RNF114: variants seen among roughly 807,000 people sequenced by gnomAD.
RNF114 encodes E3 ubiquitin-protein ligase RNF114.
Under a neutral mutation model 28.4 loss-of-function variants are expected in RNF114, and 6 were observed. The observed-to-expected ratio is 0.21, with a 90% CI of 0.12 to 0.42. The LOEUF (loss-of-function observed/expected upper bound fraction) is 0.42, where lower values mean the gene tolerates loss of function less well. Among genes scored for constraint, RNF114 ranks in the 10% least tolerant of loss-of-function variants. The pLI, the probability that RNF114 is intolerant of heterozygous loss-of-function variation, is 1.00. For synonymous variants in RNF114, 115 were observed against 116.7 expected, an observed-to-expected ratio of 0.99 and a Z score of 0.09; for missense variants, 249 against 311.7, an observed-to-expected ratio of 0.80 and a Z score of 1.51.
Position 49,952,350 on chromosome 20 carries a change from G to A in RNF114, c.*209G>A. The A allele has an allele frequency of 1.8e-6, 1 of 564,146 alleles. No homozygotes were observed. 34.9% of individuals were successfully genotyped at this position (564,146 alleles called of 1,614,324 possible). On this transcript the variant is annotated 3_prime_UTR_variant, in exon 6 of 6. Coordinates refer to ENST00000244061, the MANE Select transcript of RNF114 (RefSeq NM_018683.4). Reference sequence around the variant, plus strand: ...CTTGCCAAAGCTGTCTTCCCCTACTGTTAACCTTGTTTGTCACACGGTCGA... The same window carrying A: ...CTTGCCAAAGCTGTCTTCCCCTACTATTAACCTTGTTTGTCACACGGTCGA...
chr20:49,948,905 G>A (rs549676410), intron 4 of RNF114, among the ~76,000 whole-genome samples: 29 of 152,244 alleles, frequency 1.9e-4, no homozygotes, highest in African/African-American at 5.8e-4. Flanking sequence ...ATTGCTCATC[G>A]GCTTATTTTC....
At chr20:49,949,443 A>ATTTCCC in intron 5 of RNF114, 88 bp downstream of exon 5, 11 of 1,114,482 alleles carry the variant, frequency 9.9e-6, no homozygotes, top group Non-Finnish European at 1.5e-5. Context: ...GGGGATCCCC[A>ATTTCCC]GTGTTGAACT....
chr20:49,947,871 A>G (rs1456524878), intron 4 of RNF114, among the ~76,000 whole-genome samples: 3 of 129,406 alleles, frequency 2.3e-5, no homozygotes, highest in Non-Finnish European at 4.6e-5. Flanking sequence ...GACTCACTGC[A>G]AGCTCCGCCT....
At chr20:49,939,579 G>A (rs532933414) in intron 1 of RNF114, among the ~76,000 whole-genome samples, 1 of 152,088 alleles carries the variant, frequency 6.6e-6, no homozygotes, top group South Asian at 2.1e-4. Context: ...ATAGGAACTC[G>A]GTCATCTTTG....
intron 4 of RNF114, 123 bp downstream of exon 4, chr20:49,946,373 C>A: frequency 1.7e-6 from 1 of 593,786 alleles, no homozygotes; most frequent in Non-Finnish European, 2.9e-6. Context: ...AGATTGTTAA[C>A]ATTTTACCAT....
intron 4 of RNF114, among the ~76,000 whole-genome samples, chr20:49,947,719 C>T (rs2090338517): frequency 6.9e-6 from 1 of 145,714 alleles, no homozygotes; most frequent in East Asian, 2.0e-4. Flanking sequence ...TATGTTGAGG[C>T]CTTCTCTTCA....
chr20:49,947,769 G>GTTTTTTTTTGTTTTGTTTTTTTTTTT (rs2090338798), intron 4 of RNF114, among the ~76,000 whole-genome samples: 3 of 50,422 alleles, frequency 5.9e-5, no homozygotes, highest in African/African-American at 2.5e-4. Context: ...CCCTCTGCAA[G>GTTTTTTTTTGTTTTGTTTTTTTTTTT]TTTTTTTTTT....
intron 5 of RNF114, among the ~76,000 whole-genome samples, chr20:49,951,420 A>C (rs1057075088): frequency 1.3e-5 from 2 of 152,084 alleles, no homozygotes; most frequent in Non-Finnish European, 2.9e-5. Context: ...TGTACTGTGC[A>C]CTGATTCCAC....
chr20:49,946,156 C>T lies in RNF114; in HGVS notation c.419C>T (p.Thr140Ile). ...TCCAGGAATGTTCCAAACCGTTACA[C>T]CTTTCCTTGTCCTTACTGTCCTGAG... ...LQPRNVPNRYTFPCPYCPEKN... is the reference protein window; with the variant it reads ...LQPRNVPNRYIFPCPYCPEKN... The change falls in exon 4 of 6, where the codon ACC (threonine) becomes ATC (isoleucine). Residue 140 changes from threonine to isoleucine, a missense_variant. Physicochemically the swap from Thr to Ile is moderately conservative, Grantham distance 89 (BLOSUM62 -1). Around this residue, in one of 2 missense-constraint regions of RNF114, gnomAD observed 126 missense variants for 205.3 expected, o/e 0.61. Transcript: ENST00000244061. 7 of 1,603,768 alleles carry T rather than the reference C, an allele frequency of 4.4e-6. No individual in the cohort carries two copies. The highest frequency in any genetic ancestry group is 6.0e-6 in the Non-Finnish European group (7 of 1,176,106).
At chr20:49,936,627 T>C in intron 1 of RNF114, 75 bp downstream of exon 1, 2 of 1,517,494 alleles carry the variant, frequency 1.3e-6, no homozygotes, top group Non-Finnish European at 1.8e-6. Context: ...GAGATGGGTC[T>C]CAGGGCGGGA....
At chr20:49,943,646 GT>G (rs2090316066) in intron 2 of RNF114, among the ~76,000 whole-genome samples, 40 of 96,212 alleles carry the variant, frequency 4.2e-4, no homozygotes, top group Admixed American at 2.5e-3. Flanking sequence ...ATTCCCTACT[GT>G]CTTCTTTTTT....
intron 1 of RNF114, among the ~76,000 whole-genome samples, chr20:49,938,193 A>G (rs1206005622): frequency 6.6e-6 from 1 of 152,222 alleles, no homozygotes; most frequent in Admixed American, 6.5e-5. Context: ...TACTATTAAC[A>G]TTTGTAAAAA....
chr20:49,936,907 C>G (rs1001302875), intron 1 of RNF114, among the ~76,000 whole-genome samples: 3 of 152,172 alleles, frequency 2.0e-5, no homozygotes, highest in African/African-American at 7.2e-5. Flanking sequence ...CGTTTCCTTT[C>G]TAGTCCACGT....
rs1568920426 is a variant in RNF114 at position 49,946,187 on chromosome 20, C to A, written c.450C>A (p.Asn150Lys). 1 of 1,612,426 alleles carries A rather than the reference C, an allele frequency of 6.2e-7. No homozygotes were observed. The highest frequency in any genetic ancestry group is 1.1e-5 in the South Asian group (1 of 90,834). ...TFPCPYCPEK[N>K]FDQEGLVEHC... ...CTTGTCCTTACTGTCCTGAGAAGAACTTTGATCAGGAAGGACTTGTGGAAC... is the reference window on the plus strand; with the variant it reads ...CTTGTCCTTACTGTCCTGAGAAGAAATTTGATCAGGAAGGACTTGTGGAAC... The change falls in exon 4 of 6, where the codon AAC (asparagine) becomes AAA (lysine). Residue 150 changes from asparagine to lysine, a missense_variant. Asn to Lys is a moderately conservative substitution (Grantham distance 94). Transcript: ENST00000244061.
At chr20:49,948,077 A>C (rs1354680829) in intron 4 of RNF114, among the ~76,000 whole-genome samples, 1 of 151,608 alleles carries the variant, frequency 6.6e-6, no homozygotes, top group Admixed American at 6.6e-5. Context: ...GGCGTGAGCC[A>C]CCGCGCCCGG....
At position 49,936,412 on chromosome 20, in the gene RNF114, G is replaced by C; in HGVS notation, c.-1G>C. On this transcript the variant is annotated 5_prime_UTR_variant, in exon 1 of 6. Coordinates refer to ENST00000244061, the MANE Select transcript of RNF114 (RefSeq NM_018683.4). ...GTTGCGCGGCGCAGAGCGGCAGCAA[G>C]ATGGCGGCGCAACAGCGGGACTGCG... The C allele has an allele frequency of 1.3e-6, 2 of 1,506,726 alleles. No individual in the cohort carries two copies. The highest frequency in any genetic ancestry group is 1.8e-6 in the Non-Finnish European group (2 of 1,127,636). 93.3% of individuals were successfully genotyped at this position (1,506,726 alleles called of 1,614,324 possible).
chr20:49,943,061 C>T (rs544041669), intron 2 of RNF114, among the ~76,000 whole-genome samples: 1 of 151,740 alleles, frequency 6.6e-6, no homozygotes, highest in Non-Finnish European at 1.5e-5. Context: ...ATGTCAGTTT[C>T]ATTATTTTTA....
rs558943384 is a variant in RNF114, at chr20:49,952,347, A to G, written c.*206A>G. ...GCTCTTGCCAAAGCTGTCTTCCCCT[A>G]CTGTTAACCTTGTTTGTCACACGGT... On this transcript the variant is annotated 3_prime_UTR_variant, in exon 6 of 6. Coordinates refer to ENST00000244061, the MANE Select transcript of RNF114 (RefSeq NM_018683.4). 1.8e-6 allele frequency: 1 copy of G among 570,602 alleles called. No individual in the cohort carries two copies. The allele number at this position is 570,602 out of a possible 1,614,324, so 35.3% of individuals were successfully genotyped here. A position where few individuals can be genotyped will look rare whatever the true frequency, so the allele number is the denominator to read the frequency against.
chr20:49,936,443 G>C lies in RNF114; in HGVS notation c.31G>C (p.Ala11Pro). Residue 11 changes from alanine to proline, a missense_variant, in exon 1 of 6, where the codon GCT (alanine) becomes CCT (proline). Physicochemically the swap from Ala to Pro is conservative, Grantham distance 27. Transcript: ENST00000244061. MAAQQRDCGG[A>P]AQLAGPAAEA... Reference sequence around the variant, plus strand: ...GGCGCAACAGCGGGACTGCGGGGGTGCTGCGCAGCTGGCGGGGCCGGCGGC... The same window carrying C: ...GGCGCAACAGCGGGACTGCGGGGGTCCTGCGCAGCTGGCGGGGCCGGCGGC... 6.5e-7 allele frequency: 1 copy of C among 1,545,882 alleles called. No individual in the cohort carries two copies. The highest frequency in any genetic ancestry group is 1.4e-5 in the African/African-American group (1 of 71,634).
Sources: gnomAD v4.1 joint callset for allele counts (sites outside exome capture counted in the v4.1 genomes callset) on GRCh38, gnomAD v4.1.1 for gene constraint, gnomAD v4.1.1 regional missense constraint, MANE v1.5 for transcripts, NCBI Gene and HGNC (gene_info 2026-07-23, HGNC 2026-07-21) for gene names.